NTRK3: variants seen among roughly 807,000 people sequenced by gnomAD.
NTRK3 encodes the protein neurotrophic receptor tyrosine kinase 3.
In NTRK3, 24 loss-of-function variants were observed where a neutral mutation model predicts 91.7. The ratio of observed to expected loss-of-function variants is 0.26; its 90% CI spans 0.19 to 0.37. NTRK3 has a LOEUF of 0.37. NTRK3 is among the 10% of genes least tolerant of loss of function. The probability of loss-of-function intolerance (pLI) is 1.00; values close to 1 mark genes in which losing one functional copy is unlikely to be tolerated. For missense variants in NTRK3, 880 were observed against 1,068.9 expected (o/e 0.82, Z 2.46); for synonymous variants, 483 against 404.0 (o/e 1.20, Z -2.34).
intron 14 of NTRK3, among the ~76,000 whole-genome samples, chr15:88,001,057 A>C (rs1458713003): frequency 6.6e-6 from 1 of 152,192 alleles, no homozygotes; most frequent in Non-Finnish European, 1.5e-5. Context: ...AGTGGGTATA[A>C]AATGATATTA....
intron 6 of NTRK3, among the ~76,000 whole-genome samples, chr15:88,142,087 C>G (rs1487414877): frequency 6.6e-6 from 1 of 152,234 alleles, no homozygotes; most frequent in South Asian, 2.1e-4. Context: ...AATCCACAAT[C>G]GTCTTTATAT....
At chr15:87,955,265 C>T (rs1237451702) in intron 14 of NTRK3, among the ~76,000 whole-genome samples, 2 of 152,238 alleles carry the variant, frequency 1.3e-5, no homozygotes, top group Non-Finnish European at 2.9e-5. Flanking sequence ...AACACACCTA[C>T]TCCACCTGCC....
At chr15:88,144,613 A>T (rs1432176325) in intron 6 of NTRK3, among the ~76,000 whole-genome samples, 1 of 152,116 alleles carries the variant, frequency 6.6e-6, no homozygotes, top group Non-Finnish European at 1.5e-5. Context: ...TAAACATCAT[A>T]ACACTCATTC....
At chr15:87,980,024 C>A (rs1472249506) in intron 14 of NTRK3, among the ~76,000 whole-genome samples, 2 of 152,174 alleles carry the variant, frequency 1.3e-5, no homozygotes, top group African/African-American at 4.8e-5. Flanking sequence ...TTCTCATTGA[C>A]CTTTTCGCCT....
chr15:88,051,952 G>C (rs2080868252), intron 13 of NTRK3, among the ~76,000 whole-genome samples: 1 of 152,166 alleles, frequency 6.6e-6, no homozygotes, highest in African/African-American at 2.4e-5. Flanking sequence ...ATGCAAATAA[G>C]GAATGAGCTT....
intron 6 of NTRK3, 112 bp from the exon 7 acceptor site, chr15:88,137,673 G>T: frequency 1.9e-6 from 2 of 1,062,354 alleles, no homozygotes; most frequent in African/African-American, 1.6e-5. Context: ...AAGGGGAGAA[G>T]GGATTTAACA....
At chr15:88,054,686 C>A in intron 13 of NTRK3, among the ~76,000 whole-genome samples, 1 of 151,978 alleles carries the variant, frequency 6.6e-6, no homozygotes, top group Non-Finnish European at 1.5e-5. Context: ...CCAAAATACT[C>A]CTGGATCTCA....
At chr15:88,212,700 TCACA>T (rs60620542) in intron 3 of NTRK3, among the ~76,000 whole-genome samples, 1,902 of 145,582 alleles carry the variant, frequency 0.013, 38 homozygotes, top group African/African-American at 0.039. Flanking sequence ...GGCTGCTGCA[TCACA>T]CACACACACA....
At chr15:88,060,850 G>T (rs1278458752) in intron 13 of NTRK3, among the ~76,000 whole-genome samples, 2 of 152,124 alleles carry the variant, frequency 1.3e-5, no homozygotes, top group Non-Finnish European at 2.9e-5. Context: ...TTTACTTTTA[G>T]CCATTGGTAT....
chr15:87,925,098 G>C (rs2068180961), intron 17 of NTRK3, among the ~76,000 whole-genome samples: 1 of 152,126 alleles, frequency 6.6e-6, no homozygotes, highest in South Asian at 2.1e-4. Flanking sequence ...GCCTACCCTT[G>C]TCAAAGCCAG....
chr15:88,228,527 C>G (rs1448028471), intron 3 of NTRK3, among the ~76,000 whole-genome samples: 1 of 152,192 alleles, frequency 6.6e-6, no homozygotes, highest in African/African-American at 2.4e-5. Context: ...CTTCCAACTC[C>G]CTTCCTCTTG....
At chr15:88,206,579 A>AC (rs1327847181) in intron 3 of NTRK3, among the ~76,000 whole-genome samples, 1 of 128,868 alleles carries the variant, frequency 7.8e-6, no homozygotes, top group African/African-American at 3.0e-5. Context: ...AATGGCGCGA[A>AC]CCCGGGAGGC....
At chr15:88,000,202 T>C (rs2076000192) in intron 14 of NTRK3, among the ~76,000 whole-genome samples, 1 of 152,188 alleles carries the variant, frequency 6.6e-6, no homozygotes, top group South Asian at 2.1e-4. Flanking sequence ...ACACTCTTTG[T>C]TAAAATGTCG....
intron 14 of NTRK3, among the ~76,000 whole-genome samples, chr15:87,968,179 G>GA (rs749571316): frequency 6.6e-6 from 1 of 152,184 alleles, no homozygotes; most frequent in Non-Finnish European, 1.5e-5. Flanking sequence ...CAGCTACATG[G>GA]AATGTGTGTG....
intron 14 of NTRK3, among the ~76,000 whole-genome samples, chr15:87,954,104 G>A (rs1258614323): frequency 1.3e-5 from 2 of 151,412 alleles, no homozygotes; most frequent in East Asian, 3.9e-4. Flanking sequence ...GGCTCTGTGG[G>A]CAGATGTGAA....
intron 14 of NTRK3, among the ~76,000 whole-genome samples, chr15:87,948,893 T>C (rs1209569773): frequency 6.6e-6 from 1 of 152,148 alleles, no homozygotes; most frequent in East Asian, 1.9e-4. Context: ...AGGCCTTCTC[T>C]GGATTAGGGC....
intron 14 of NTRK3, among the ~76,000 whole-genome samples, chr15:88,026,562 T>A (rs1407857423): frequency 6.6e-6 from 1 of 152,216 alleles, no homozygotes; most frequent in Non-Finnish European, 1.5e-5. Context: ...GGTGGATACA[T>A]GACACTATGC....
intron 5 of NTRK3, among the ~76,000 whole-genome samples, chr15:88,155,541 A>G (rs2043810322): frequency 6.6e-6 from 1 of 152,210 alleles, no homozygotes; most frequent in Non-Finnish European, 1.5e-5. Context: ...ATGAGCAACT[A>G]ATAGGGCCAC....
chr15:88,128,804 T>C, intron 10 of NTRK3, 70 bp from the exon 11 acceptor site: 1 of 1,363,438 alleles, frequency 7.3e-7, no homozygotes, highest in Non-Finnish European at 1.1e-6. Flanking sequence ...TACTTGGTCC[T>C]AATAGCTATG....
Sources: gnomAD v4.1 joint callset for allele counts (sites outside exome capture counted in the v4.1 genomes callset) on GRCh38, gnomAD v4.1.1 for gene constraint, MANE v1.5 for transcripts, NCBI Gene and HGNC (gene_info 2026-07-23, HGNC 2026-07-21) for gene names.